The following FREM3 variants were observed in gnomAD, a reference collection of about 807,000 sequenced individuals.
The protein encoded by FREM3 is FRAS1-related extracellular matrix protein 3.
A neutral mutation model predicts 129.1 loss-of-function variants in FREM3; 105 were observed. The ratio of observed to expected loss-of-function variants is 0.81; its 90% CI spans 0.69 to 0.96. FREM3 has a LOEUF of 0.96. FREM3 is among the 40% of genes least tolerant of loss of function. The pLI, the probability that FREM3 is intolerant of heterozygous loss-of-function variation, is 0.00. For synonymous variants in FREM3, 1,014 were observed against 1,044.9 expected (o/e 0.97, Z 0.57); for missense variants, 2,593 against 2,666.3 (o/e 0.97, Z 0.61).
At position 143,611,467 on chromosome 4, in the gene FREM3, T is replaced by G; in HGVS notation, c.5840A>C (p.Glu1947Ala). 6.5e-7 allele frequency: 1 copy of G among 1,537,164 alleles called. No homozygotes were observed. Among genetic ancestry groups the G allele is most frequent in the Non-Finnish European group, 8.7e-7 (1 of 1,146,846 alleles). The change falls in exon 6 of 8, where the codon GAA becomes GCA. Residue 1947 changes from glutamate (E) to alanine (A), a missense_variant. Glu to Ala is a moderately radical substitution (Grantham distance 107). Around this residue, in one of 2 missense-constraint regions of FREM3, gnomAD observed 317 missense variants for 399.0 expected, o/e 0.79. Coordinates refer to ENST00000329798, the MANE Select transcript of FREM3 (RefSeq NM_001168235.2). ...VLFSDYISRPEDHTSILHFDK... is the reference protein window; with the variant it reads ...VLFSDYISRPADHTSILHFDK... ...AAAGTGGAGGATGCTGGTGTGGTCT[T>G]CTGGACGTGAGATGTAATCAGAGAA...
intron 6 of FREM3, among the ~76,000 whole-genome samples, chr4:143,604,652 A>C (rs1335015623): frequency 6.6e-6 from 1 of 152,178 alleles, no homozygotes; most frequent in Non-Finnish European, 1.5e-5. Context: ...GAAGCTCCTG[A>C]AAGGTAACTA....
At position 143,697,221 on chromosome 4, in the gene FREM3, A is replaced by T. The variant is rs964993060; in HGVS notation, c.3455T>A (p.Val1152Glu). 183 of 1,537,652 alleles carry T rather than the reference A, an allele frequency of 1.2e-4. No individual in the cohort carries two copies. The highest frequency in any genetic ancestry group is 1.5e-4 in the Non-Finnish European group (177 of 1,146,978). ...RDIQVRHINY[V>E]QSIHKGVEPQ... Reference sequence around the variant, plus strand: ...CTCTACTCCCTTGTGAATACTCTGTACATAATTGATATGCCTCACTTGGAT... The same window carrying T: ...CTCTACTCCCTTGTGAATACTCTGTTCATAATTGATATGCCTCACTTGGAT... Residue 1152 changes from valine (V) to glutamate (E), a missense_variant, in exon 1 of 8, where the codon GTA becomes GAA. By Grantham distance (121) the Val-to-Glu change is moderately radical. Transcript: ENST00000329798.
chr4:143,695,701 G>A lies in FREM3; in HGVS notation c.4975C>T (p.Leu1659Phe). 6.5e-7 allele frequency: 1 copy of A among 1,537,250 alleles called. No individual in the cohort carries two copies. Among genetic ancestry groups the A allele is most frequent in the Non-Finnish European group, 8.7e-7 (1 of 1,146,914 alleles). The change falls in exon 1 of 8, where the codon CTT becomes TTT. Residue 1659 changes from leucine to phenylalanine, a missense_variant. Physicochemically the swap from Leu to Phe is conservative, Grantham distance 22. Transcript: ENST00000329798. Reference protein sequence around the residue: ...RVQIRSLDNRLPQITTNRGAP... With the variant: ...RVQIRSLDNRFPQITTNRGAP... ...CCCCTGTTGGTAGTAATCTGGGGAA[G>A]CCTATTGTCTAATGATCTTATCTGG...
chr4:143,609,531 G>A (rs996846137), intron 6 of FREM3, among the ~76,000 whole-genome samples: 5 of 152,086 alleles, frequency 3.3e-5, no homozygotes, highest in African/African-American at 4.8e-5. Context: ...TTCTCACTCT[G>A]CCTGGTTAAC....
intron 2 of FREM3, among the ~76,000 whole-genome samples, chr4:143,634,982 C>T (rs1266268977): frequency 6.6e-6 from 1 of 152,076 alleles, no homozygotes; most frequent in Non-Finnish European, 1.5e-5. Flanking sequence ...GGCAGTCAGC[C>T]AGATGATGCA....
chr4:143,695,422 A>G, intron 1 of FREM3, 69 bp downstream of exon 1: 1 of 1,320,730 alleles, frequency 7.6e-7, no homozygotes, highest in Non-Finnish European at 1.0e-6. Flanking sequence ...GGACAATTTT[A>G]CACAAAGCTG....
chr4:143,687,189 A>G (rs1272738945), intron 2 of FREM3, among the ~76,000 whole-genome samples: 1 of 152,180 alleles, frequency 6.6e-6, no homozygotes, highest in Non-Finnish European at 1.5e-5. Context: ...ACACTGAAAT[A>G]CAAAAGAGCA....
chr4:143,593,625 T>A (rs1300777291), intron 6 of FREM3, among the ~76,000 whole-genome samples: 4 of 152,184 alleles, frequency 2.6e-5, no homozygotes, highest in Admixed American at 2.6e-4. Flanking sequence ...CCCGGCTGTG[T>A]GAGGTGTCAG....
At chr4:143,594,835 A>G (rs1163323521) in intron 6 of FREM3, among the ~76,000 whole-genome samples, 1 of 152,248 alleles carries the variant, frequency 6.6e-6, no homozygotes, top group Non-Finnish European at 1.5e-5. Context: ...TCCTCCATGT[A>G]GCACAGAAGA....
chr4:143,665,595 A>T (rs1233965910), intron 2 of FREM3, among the ~76,000 whole-genome samples: 1 of 152,134 alleles, frequency 6.6e-6, no homozygotes, highest in Non-Finnish European at 1.5e-5. Flanking sequence ...TAAACACTTA[A>T]GTTGGGCAAG....
At chr4:143,682,910 C>G (rs1375129769) in intron 2 of FREM3, among the ~76,000 whole-genome samples, 3 of 152,074 alleles carry the variant, frequency 2.0e-5, no homozygotes, top group East Asian at 3.9e-4. Flanking sequence ...TAAATGAAGG[C>G]TTTTGAGACA....
chr4:143,685,266 T>A (rs1246468596), intron 2 of FREM3, among the ~76,000 whole-genome samples: 1 of 152,072 alleles, frequency 6.6e-6, no homozygotes, highest in Non-Finnish European at 1.5e-5. Flanking sequence ...AGGTAACCTA[T>A]AAAGAAAAAC....
intron 2 of FREM3, among the ~76,000 whole-genome samples, chr4:143,634,310 A>G (rs1342788757): frequency 1.3e-5 from 2 of 152,170 alleles, no homozygotes; most frequent in Non-Finnish European, 2.9e-5. Context: ...CTGAAAGTTT[A>G]ACAATAGAGA....
At chr4:143,627,078 T>C (rs1739051588) in intron 3 of FREM3, among the ~76,000 whole-genome samples, 11 of 152,176 alleles carry the variant, frequency 7.2e-5, no homozygotes, top group Admixed American at 7.2e-4. Context: ...TGTATGTGTT[T>C]ACTCCAAGAA....
intron 2 of FREM3, among the ~76,000 whole-genome samples, chr4:143,636,500 A>G (rs1739236657): frequency 6.6e-6 from 1 of 152,108 alleles, no homozygotes; most frequent in African/African-American, 2.4e-5. Flanking sequence ...GAAAGTGACT[A>G]TTAAAGTAAT....
intron 6 of FREM3, among the ~76,000 whole-genome samples, chr4:143,593,384 T>C (rs1292310883): frequency 1.0e-4 from 15 of 147,472 alleles, no homozygotes; most frequent in South Asian, 6.6e-4. Flanking sequence ...CTTTGGTCTT[T>C]GATGATGGTG....
At chr4:143,669,584 T>A (rs898091226) in intron 2 of FREM3, among the ~76,000 whole-genome samples, 1 of 151,694 alleles carries the variant, frequency 6.6e-6, no homozygotes, top group Admixed American at 6.6e-5. Flanking sequence ...GCCCAGTCCC[T>A]AACTCTTCAT....
chr4:143,677,660 T>C (rs529579305), intron 2 of FREM3, among the ~76,000 whole-genome samples: 1 of 152,304 alleles, frequency 6.6e-6, no homozygotes, highest in South Asian at 2.1e-4. Context: ...AAAGGGCTAA[T>C]ATCCAGAATC....
At chr4:143,688,185 G>A (rs1179131205) in intron 2 of FREM3, among the ~76,000 whole-genome samples, 2 of 152,162 alleles carry the variant, frequency 1.3e-5, no homozygotes, top group African/African-American at 4.8e-5. Flanking sequence ...CAAGAGTAAA[G>A]TACACAAATC....
Sources: gnomAD v4.1 joint callset for allele counts (sites outside exome capture counted in the v4.1 genomes callset) on GRCh38, gnomAD v4.1.1 for gene constraint, gnomAD v4.1.1 regional missense constraint, MANE v1.5 for transcripts, NCBI Gene and HGNC (gene_info 2026-07-23, HGNC 2026-07-21) for gene names.